Variants in UBR2 observed in about 807,000 individuals in gnomAD.
The protein encoded by UBR2 is E3 ubiquitin-protein ligase UBR2.
Under a neutral mutation model 247.9 loss-of-function variants are expected in UBR2, and 92 were observed. The observed-to-expected ratio is 0.37, with a 90% CI of 0.31 to 0.44. The LOEUF (loss-of-function observed/expected upper bound fraction) is 0.44, where lower values mean the gene tolerates loss of function less well. Ranked by LOEUF, UBR2 falls within the 20% of genes least tolerant of loss-of-function variation. The pLI is 1.00. For missense variants in UBR2, 1,613 were observed against 2,112.6 expected (o/e 0.76, Z 4.64); for synonymous variants, 672 against 693.5 (o/e 0.97, Z 0.49).
chr6:42,687,750 A>G (rs1279711083), intron 44 of UBR2, among the ~76,000 whole-genome samples: 2 of 152,142 alleles, frequency 1.3e-5, no homozygotes. Context: ...CATATTGGTC[A>G]GGCTGGTCTC....
At chr6:42,580,734 G>C (rs1158268507) in intron 2 of UBR2, among the ~76,000 whole-genome samples, 1 of 152,102 alleles carries the variant, frequency 6.6e-6, no homozygotes, top group African/African-American at 2.4e-5. Flanking sequence ...GTAGAGACAG[G>C]GTTTCACCAT....
intron 2 of UBR2, among the ~76,000 whole-genome samples, chr6:42,582,142 G>C (rs1333239254): frequency 6.6e-6 from 1 of 152,006 alleles, no homozygotes; most frequent in Non-Finnish European, 1.5e-5. Flanking sequence ...AATTAGCCGG[G>C]CGTGGTGGCG....
At chr6:42,588,667 A>C (rs979498395) in intron 2 of UBR2, among the ~76,000 whole-genome samples, 1 of 152,148 alleles carries the variant, frequency 6.6e-6, no homozygotes. Context: ...ACCCTATCCC[A>C]AGAAACAACA....
At chr6:42,642,330 G>C in intron 17 of UBR2, 86 bp from the exon 18 acceptor site, 1 of 880,580 alleles carries the variant, frequency 1.1e-6, no homozygotes, top group African/African-American at 1.7e-5. Context: ...ACACATTCTT[G>C]TACAAACTTG....
intron 2 of UBR2, among the ~76,000 whole-genome samples, chr6:42,587,054 A>C (rs1792334174): frequency 6.6e-6 from 1 of 152,002 alleles, no homozygotes; most frequent in Admixed American, 6.6e-5. Flanking sequence ...TCCTGACCTC[A>C]GGTAATCCAC....
chr6:42,575,967 A>G (rs188374856), intron 2 of UBR2, among the ~76,000 whole-genome samples: 68 of 152,122 alleles, frequency 4.5e-4, no homozygotes, highest in Non-Finnish European at 5.9e-5. Flanking sequence ...CCTTCAAGCT[A>G]TCTTTGTTCT....
intron 36 of UBR2, among the ~76,000 whole-genome samples, chr6:42,672,743 C>G (rs1798520036): frequency 6.6e-6 from 1 of 152,156 alleles, no homozygotes; most frequent in Non-Finnish European, 1.5e-5. Context: ...AGAAAGCCCT[C>G]TGAACCATGT....
Position 42,687,171 on chromosome 6 carries a change from C to T in UBR2, c.4854-1045C>T, listed in dbSNP as rs536878456. On this transcript the variant is annotated intron_variant, in intron 44 of 46. Coordinates refer to ENST00000372901, the MANE Select transcript of UBR2 (RefSeq NM_001363705.2). ...GAGGTTGTAGCGAGCCGAGATCGCGCCACTGCACTCCAGCCTGGGCAACAT... is the reference window on the plus strand; with the variant it reads ...GAGGTTGTAGCGAGCCGAGATCGCGTCACTGCACTCCAGCCTGGGCAACAT... Among the ~76,000 whole-genome samples, 892 of 152,304 alleles carry T rather than the reference C, an allele frequency of 5.9e-3. 12 individuals carry two copies. Among genetic ancestry groups the T allele is most frequent in the African/African-American group, 0.02 (850 of 41,574 alleles).
intron 1 of UBR2, among the ~76,000 whole-genome samples, chr6:42,569,223 T>C (rs1790966575): frequency 6.6e-6 from 1 of 152,230 alleles, no homozygotes; most frequent in African/African-American, 2.4e-5. Context: ...TGTTAACTAT[T>C]TTGAAGAACT....
At chr6:42,610,157 C>G (rs796566855) in intron 7 of UBR2, among the ~76,000 whole-genome samples, 6 of 152,094 alleles carry the variant, frequency 3.9e-5, no homozygotes, top group African/African-American at 1.4e-4. Flanking sequence ...CTCTGGGCAA[C>G]ATAGCAAGAC....
At position 42,676,785 on chromosome 6, in the gene UBR2, G is replaced by A. The variant is rs758231957; in HGVS notation, c.4390G>A (p.Glu1464Lys). 5.6e-6 allele frequency: 9 copies of A among 1,613,350 alleles called. No individual in the cohort carries two copies. Among genetic ancestry groups the A allele is most frequent in the South Asian group, 2.2e-5 (2 of 91,066 alleles). The change falls in exon 40 of 47, where the codon GAG becomes AAG. Residue 1464 changes from glutamate (E) to lysine (K), a missense_variant and splice_region_variant. Physicochemically the swap from Glu to Lys is moderately conservative, Grantham distance 56. Coordinates refer to ENST00000372901, the MANE Select transcript of UBR2 (RefSeq NM_001363705.2). ...ACTAGTATTTCCTTATCTTTCAGAAGAGAATGGCATGGATCAAGAAAATCC... is the reference window on the plus strand; with the variant it reads ...ACTAGTATTTCCTTATCTTTCAGAAAAGAATGGCATGGATCAAGAAAATCC... ...IQILLTSCTE[E>K]NGMDQENPPC... is the part of the protein sequence containing the mutation.
chr6:42,618,017 A>G (rs1373965332), intron 11 of UBR2, among the ~76,000 whole-genome samples: 1 of 152,218 alleles, frequency 6.6e-6, no homozygotes, highest in Non-Finnish European at 1.5e-5. Context: ...ACATAATTAA[A>G]ATTCATATTT....
chr6:42,621,118 C>T (rs1265018582), intron 11 of UBR2, among the ~76,000 whole-genome samples: 2 of 152,166 alleles, frequency 1.3e-5, no homozygotes, highest in South Asian at 2.1e-4. Flanking sequence ...TTGTGTATCC[C>T]AAGGTCACAA....
In UBR2 at chr6:42,689,406, C is replaced by T. The variant is rs953138237; in HGVS notation, c.5025-163C>T. Among the ~76,000 whole-genome samples, 11 of 152,128 alleles carry T rather than the reference C, an allele frequency of 7.2e-5. No homozygotes were observed. The highest frequency in any genetic ancestry group is 2.7e-4 in the African/African-American group (11 of 41,428). On this transcript the variant is annotated intron_variant, in intron 45 of 46. Transcript: ENST00000372901. This position sits in a 1 kb window ranked among gnomAD's most constrained non-coding sequence, Gnocchi z 4.0. ...GGGATCAGGGGACACAAATTTGACT[C>T]GATTCAACCTATTTCCTAGTTTGTG...
At chr6:42,599,300 A>G (rs1277926747) in intron 4 of UBR2, among the ~76,000 whole-genome samples, 2 of 152,172 alleles carry the variant, frequency 1.3e-5, no homozygotes, top group East Asian at 3.8e-4. Context: ...TAATGCTGTT[A>G]CCAATATTTT....
At position 42,679,805 on chromosome 6, in the gene UBR2, G is replaced by C; in HGVS notation, c.4691G>C (p.Ser1564Thr). ...CTCATTTGCCTTTTTCAAGAAAATA[G>C]TGAGATAATGAATTCACTGATTGAA... ...NNLICLFQENSEIMNSLIESW... is the reference protein window; with the variant it reads ...NNLICLFQENTEIMNSLIESW... The change falls in exon 42 of 47, where the codon AGT becomes ACT. Residue 1564 changes from serine (S) to threonine (T), a missense_variant. Ser to Thr is a moderately conservative substitution (Grantham distance 58). Coordinates refer to ENST00000372901, the MANE Select transcript of UBR2 (RefSeq NM_001363705.2). The C allele has an allele frequency of 6.2e-7, 1 of 1,610,996 alleles. No individual in the cohort carries two copies. The highest frequency in any genetic ancestry group is 8.5e-7 in the Non-Finnish European group (1 of 1,177,588).
intron 26 of UBR2, among the ~76,000 whole-genome samples, chr6:42,657,798 A>G (rs1289748331): frequency 1.3e-5 from 2 of 152,244 alleles, no homozygotes; most frequent in African/African-American, 4.8e-5. Context: ...TTTGCTATAA[A>G]AAGTCACTTT....
Position 42,644,471 on chromosome 6 carries a change from A to G in UBR2, c.2221-2A>G. 6.2e-7 allele frequency: 1 copy of G among 1,611,602 alleles called. No homozygotes were observed. The highest frequency in any genetic ancestry group is 1.1e-5 in the South Asian group (1 of 90,942). ...AACTTTATCTTCCCTCACTTGTTAT[A>G]GGATGTTGTTCAGCAGAACAATACT... is the stretch of plus-strand genomic sequence containing the variant. On this transcript the variant is annotated splice_acceptor_variant, in intron 19 of 46. Transcript: ENST00000372901. LOFTEE classifies it high-confidence loss of function.
intron 25 of UBR2, among the ~76,000 whole-genome samples, chr6:42,653,460 G>T (rs1029980006): frequency 2.6e-5 from 4 of 151,948 alleles, no homozygotes; most frequent in Non-Finnish European, 4.4e-5. Context: ...AACACCCCAT[G>T]AATAGATACA....
Sources: gnomAD v4.1 joint callset for allele counts (sites outside exome capture counted in the v4.1 genomes callset) on GRCh38, gnomAD v4.1.1 for gene constraint, Gnocchi (gnomAD v3.1) non-coding constraint, MANE v1.5 for transcripts, NCBI Gene and HGNC (gene_info 2026-07-23, HGNC 2026-07-21) for gene names.